The following CHRDL2 variants were observed in gnomAD, a reference collection of about 807,000 sequenced individuals.
CHRDL2 encodes chordin like 2, also known as chordin-like protein 2.
A neutral mutation model predicts 54.3 loss-of-function variants in CHRDL2; 41 were observed. The ratio of observed to expected loss-of-function variants is 0.76; its 90% CI spans 0.59 to 0.98. CHRDL2 has a LOEUF of 0.98. CHRDL2 is among the 50% of genes least tolerant of loss of function. The probability of loss-of-function intolerance (pLI) is 0.00; values close to 1 mark genes in which losing one functional copy is unlikely to be tolerated. For synonymous variants in CHRDL2, 220 were observed against 224.3 expected, an observed-to-expected ratio of 0.98 and a Z score of 0.17; for missense variants, 518 against 562.4, an observed-to-expected ratio of 0.92 and a Z score of 0.80.
chr11:74,714,514 T>C (rs1479730461), intron 2 of CHRDL2, among the ~76,000 whole-genome samples: 1 of 152,206 alleles, frequency 6.6e-6, no homozygotes, highest in Non-Finnish European at 1.5e-5. Flanking sequence ...AGGCAGCCTC[T>C]TGCCCCATGG....
intron 1 of CHRDL2, among the ~76,000 whole-genome samples, chr11:74,721,573 T>C (rs1050600096): frequency 6.6e-6 from 1 of 152,174 alleles, no homozygotes; most frequent in African/African-American, 2.4e-5. Flanking sequence ...CCTGGAGCTC[T>C]CTCTTCCTCA....
Position 74,697,358 on chromosome 11 carries a change from A to G in CHRDL2, c.1121-61T>C. The G allele has an allele frequency of 3.2e-6, 4 of 1,245,452 alleles. No homozygotes were observed. In the South Asian group the frequency reaches 4.8e-5, roughly 15 times the overall value. The allele number at this position is 1,245,452 out of a possible 1,614,324, so 77.2% of individuals were successfully genotyped here. The stretch of plus-strand genomic sequence containing the variant: ...AAAAACCTACAGTCGGTGAAAAGTG[A>G]AACAGGGTGACTTAGCACAGAACGG... On this transcript the variant is annotated intron_variant, in intron 9 of 10. Transcript: ENST00000376332.
intron 9 of CHRDL2, chr11:74,698,501 G>A (rs1436497480): frequency 6.6e-6 from 1 of 152,180 alleles, no homozygotes; most frequent in Non-Finnish European, 1.5e-5. Context: ...ATCTGTGATT[G>A]TGCCTGTTTC....
rs960500024 is a variant in CHRDL2, at chr11:74,731,300, C to T, written c.-412G>A. ...CGCGCGGGCTAGAGGCGGCCGGCGC[C>T]CCCTGCTCGGTGGGCTCGGGGTCGG... On this transcript the variant is annotated 5_prime_UTR_variant, in exon 1 of 11. Coordinates refer to ENST00000376332, the MANE Select transcript of CHRDL2 (RefSeq NM_001278473.3). The surrounding 1 kb of genome is among the most constrained non-coding windows in gnomAD (Gnocchi z 4.4). The T allele has an allele frequency of 1.3e-5, 2 of 149,204 alleles. No homozygotes were observed. Among genetic ancestry groups the T allele is most frequent in the Admixed American group, 1.3e-4 (2 of 14,956 alleles). 9.2% of individuals were successfully genotyped at this position (149,204 alleles called of 1,614,324 possible).
In CHRDL2 at chr11:74,720,491, G is replaced by A. The variant is rs527613046; in HGVS notation, c.83-1659C>T. Among the ~76,000 whole-genome samples, 4 of 151,984 alleles carry A rather than the reference G, an allele frequency of 2.6e-5. No individual in the cohort carries two copies. The South Asian group carries it at 8.3e-4, about 32-fold the overall frequency. On this transcript the variant is annotated intron_variant, in intron 1 of 10. Coordinates refer to ENST00000376332, the MANE Select transcript of CHRDL2 (RefSeq NM_001278473.3). The stretch of plus-strand genomic sequence containing the variant: ...TCCTGTGGCTTTTTACACAATTCCA[G>A]GGCCTAAAGGCCTTCTTCTCTCTCT...
chr11:74,717,105 C>T (rs2034378621), intron 2 of CHRDL2, among the ~76,000 whole-genome samples: 1 of 151,030 alleles, frequency 6.6e-6, no homozygotes, highest in Non-Finnish European at 1.5e-5. Context: ...AACAAACAAA[C>T]AAACAAAAAA....
chr11:74,699,204 G>A (rs1036762661), intron 9 of CHRDL2: 4 of 152,334 alleles, frequency 2.6e-5, no homozygotes, highest in Non-Finnish European at 5.9e-5. Flanking sequence ...GCATGCTCCC[G>A]AGTTACAGAA....
chr11:74,701,514 CAG>C (rs1453746106), intron 9 of CHRDL2: 1 of 681,904 alleles, frequency 1.5e-6, no homozygotes, highest in Non-Finnish European at 2.7e-6. Flanking sequence ...CCTCCTACGA[CAG>C]GGGGCAGAGT....
At chr11:74,708,668 G>A (rs931639861) in intron 4 of CHRDL2, among the ~76,000 whole-genome samples, 1 of 152,212 alleles carries the variant, frequency 6.6e-6, no homozygotes, top group African/African-American at 2.4e-5. Flanking sequence ...GCCTGGTAAG[G>A]CGGGAATCTC....
intron 10 of CHRDL2, 104 bp downstream of exon 10, chr11:74,697,101 G>T: frequency 1.2e-6 from 1 of 823,674 alleles, no homozygotes; most frequent in Non-Finnish European, 2.0e-6. Context: ...GTGGCTGACA[G>T]CCCCTCCTCC....
intron 1 of CHRDL2, among the ~76,000 whole-genome samples, chr11:74,719,944 C>T (rs1329075020): frequency 6.6e-6 from 1 of 152,138 alleles, no homozygotes; most frequent in African/African-American, 2.4e-5. Flanking sequence ...TCCTCACCAA[C>T]CCTCCTCTAC....
chr11:74,714,670 C>G (rs7951634), intron 2 of CHRDL2, among the ~76,000 whole-genome samples: 1 of 152,030 alleles, frequency 6.6e-6, no homozygotes, highest in East Asian at 1.9e-4. Flanking sequence ...AGAGGCCCAA[C>G]GCACATGGGT....
In CHRDL2 at chr11:74,702,858, A is replaced by T. The variant is rs753561047; in HGVS notation, c.1056T>A (p.Arg352=). The change falls in exon 9 of 11, where the codon CGT becomes CGA. Residue 352 remains arginine, a synonymous_variant. Coordinates refer to ENST00000376332, the MANE Select transcript of CHRDL2 (RefSeq NM_001278473.3). Reference sequence around the variant, plus strand: ...AGGCCTCGTGTTCCAGGGCAAAGCGACGCAGGTTGTCTGGGCTTGGGGATA... The same window carrying T: ...AGGCCTCGTGTTCCAGGGCAAAGCGTCGCAGGTTGTCTGGGCTTGGGGATA... ...TSVSPSPDNL[R]RFALEHEASD... 6.2e-7 allele frequency: 1 copy of T among 1,614,164 alleles called. No homozygotes were observed. The highest frequency in any genetic ancestry group is 1.7e-5 in the Admixed American group (1 of 60,026).
intron 7 of CHRDL2, 48 bp downstream of exon 7, chr11:74,704,438 G>A: frequency 1.3e-6 from 2 of 1,561,242 alleles, no homozygotes; most frequent in Non-Finnish European, 1.7e-6. Context: ...GGAGCAGTCA[G>A]GGCCCCCCTT....
intron 1 of CHRDL2, among the ~76,000 whole-genome samples, chr11:74,730,131 G>A (rs1370989432): frequency 1.3e-5 from 2 of 152,118 alleles, no homozygotes; most frequent in Non-Finnish European, 2.9e-5. Flanking sequence ...GGCATTCAGC[G>A]GGGCTGGGAT....
At chr11:74,722,969 T>C (rs141572436) in intron 1 of CHRDL2, among the ~76,000 whole-genome samples, 260 of 152,192 alleles carry the variant, frequency 1.7e-3, no homozygotes, top group African/African-American at 5.6e-3. Flanking sequence ...AGCTTTAAAC[T>C]GGGGAGTTCC....
chr11:74,728,127 G>C (rs2034598907), intron 1 of CHRDL2, among the ~76,000 whole-genome samples: 1 of 152,186 alleles, frequency 6.6e-6, no homozygotes, highest in African/African-American at 2.4e-5. Flanking sequence ...ATCTATGGCT[G>C]GAAATAGAAC....
chr11:74,698,719 A>ACACACC (rs1565146022), intron 9 of CHRDL2: 6 of 86,284 alleles, frequency 7.0e-5, no homozygotes, highest in African/African-American at 2.0e-4. Flanking sequence ...ACACACACAC[A>ACACACC]CACCCCACAT....
chr11:74,727,971 G>T (rs1028007775), intron 1 of CHRDL2, among the ~76,000 whole-genome samples: 1 of 152,054 alleles, frequency 6.6e-6, no homozygotes, highest in African/African-American at 2.4e-5. Flanking sequence ...GACCAGTACT[G>T]GTCAGTAACC....
Sources: gnomAD v4.1 joint callset for allele counts (sites outside exome capture counted in the v4.1 genomes callset) on GRCh38, gnomAD v4.1.1 for gene constraint, Gnocchi (gnomAD v3.1) non-coding constraint, MANE v1.5 for transcripts, NCBI Gene and HGNC (gene_info 2026-07-23, HGNC 2026-07-21) for gene names.